The following ZDHHC3 variants were observed in gnomAD, a reference collection of about 807,000 sequenced individuals.
ZDHHC3 encodes the protein zDHHC palmitoyltransferase 3.
ZDHHC3 carries 9 observed loss-of-function variants against 30.6 expected under a neutral mutation model. The ratio of observed to expected loss-of-function variants is 0.29; its 90% CI spans 0.18 to 0.51. ZDHHC3 has a LOEUF of 0.51. Ranked by LOEUF, ZDHHC3 falls within the 20% of genes least tolerant of loss-of-function variation. ZDHHC3 has a pLI of 0.97. For synonymous variants in ZDHHC3, 136 were observed against 140.2 expected, an observed-to-expected ratio of 0.97 and a Z score of 0.21; for missense variants, 246 against 384.2, an observed-to-expected ratio of 0.64 and a Z score of 3.01.
In ZDHHC3 at chr3:44,923,936, T is replaced by C. The variant is rs762074599; in HGVS notation, c.*2753A>G. 2.4e-5 allele frequency: 24 copies of C among 985,364 alleles called. No homozygotes were observed. The highest frequency in any genetic ancestry group is 2.8e-5 in the Non-Finnish European group (23 of 829,954). The allele number at this position is 985,364 out of a possible 1,614,324, so 61.0% of individuals were successfully genotyped here. On this transcript the variant is annotated 3_prime_UTR_variant, in exon 7 of 7. Coordinates refer to ENST00000424952, the MANE Select transcript of ZDHHC3 (RefSeq NM_001135179.2). ...AGCCCATGCAAATATGCATAGATTA[T>C]AGATTTGCTTGGATCTAAGCCTTTT...
chr3:44,945,296 T>G lies in ZDHHC3; in HGVS notation c.307-4A>C, dbSNP rs750439865. 8 of 1,614,168 alleles carry G rather than the reference T, an allele frequency of 5.0e-6. No homozygotes were observed. Among genetic ancestry groups the G allele is most frequent in the Non-Finnish European group, 6.8e-6 (8 of 1,180,028 alleles). ...CATTTCCTTTGGGCACTGCCCCCTG[T>G]AGGAAAGATGAAAGGTATCAGGGTT... On this transcript the variant is annotated splice_polypyrimidine_tract_variant and splice_region_variant and intron_variant, in intron 2 of 6. Coordinates refer to ENST00000424952, the MANE Select transcript of ZDHHC3 (RefSeq NM_001135179.2).
At chr3:44,958,721 T>A (rs1280148142) in intron 2 of ZDHHC3, 2 of 1,513,216 alleles carry the variant, frequency 1.3e-6, no homozygotes, top group Non-Finnish European at 1.8e-6. Flanking sequence ...CAAGTCCACC[T>A]AGCTCCAGCA....
intron 3 of ZDHHC3, among the ~76,000 whole-genome samples, chr3:44,943,967 C>A (rs559997623): frequency 4.6e-5 from 7 of 152,056 alleles, no homozygotes; most frequent in Non-Finnish European, 1.0e-4. Flanking sequence ...GAGACCCAGT[C>A]TCAAAATAAA....
chr3:44,927,084 C>T (rs1181438806), intron 6 of ZDHHC3, among the ~76,000 whole-genome samples: 1 of 152,140 alleles, frequency 6.6e-6, no homozygotes, highest in Non-Finnish European at 1.5e-5. Flanking sequence ...CTATCAGCAG[C>T]GCAGAAACTG....
intron 2 of ZDHHC3, among the ~76,000 whole-genome samples, chr3:44,950,424 A>G (rs963178714): frequency 1.3e-5 from 2 of 152,336 alleles, no homozygotes; most frequent in Admixed American, 1.3e-4. Context: ...TCTAACCCAT[A>G]AAAGGGAATC....
chr3:44,975,708 C>T (rs926038996), intron 1 of ZDHHC3, among the ~76,000 whole-genome samples: 2 of 151,680 alleles, frequency 1.3e-5, no homozygotes, highest in South Asian at 4.2e-4. Context: ...GAAACAGCAC[C>T]CCCGGGCCAA....
chr3:44,939,767 T>C (rs557149848), intron 3 of ZDHHC3, among the ~76,000 whole-genome samples: 22 of 152,270 alleles, frequency 1.4e-4, no homozygotes, highest in Non-Finnish European at 3.2e-4. Context: ...GGAAGCTGGG[T>C]TTCCCAATGG....
Position 44,932,360 on chromosome 3 carries a change from T to G in ZDHHC3, c.610+758A>C, listed in dbSNP as rs1701569811. On this transcript the variant is annotated intron_variant, in intron 5 of 6. Transcript: ENST00000424952. Reference sequence around the variant, plus strand: ...TCAGCATGTATAGGAAGAGCAAAAGTTCTAAAGACAGTGAAATAAAAAAAA... The same window carrying G: ...TCAGCATGTATAGGAAGAGCAAAAGGTCTAAAGACAGTGAAATAAAAAAAA... 2.6e-5 allele frequency among the ~76,000 whole-genome samples: 4 copies of G among 152,156 alleles called. No individual in the cohort carries two copies. In the South Asian group the frequency reaches 8.3e-4, roughly 32 times the overall value.
At chr3:44,932,829 T>C (rs1701614069) in intron 5 of ZDHHC3, 2 of 1,420,882 alleles carry the variant, frequency 1.4e-6, no homozygotes, top group African/African-American at 2.8e-5. Flanking sequence ...GGAACCGGCC[T>C]CTGTGCTTGC....
At position 44,922,159 on chromosome 3, in the gene ZDHHC3, T is replaced by A; in HGVS notation, c.*4530A>T. 1 of 985,420 alleles carries A rather than the reference T, an allele frequency of 1.0e-6. No homozygotes were observed. Among genetic ancestry groups the A allele is most frequent in the African/African-American group, 1.7e-5 (1 of 57,344 alleles). 61.0% of individuals were successfully genotyped at this position (985,420 alleles called of 1,614,324 possible). The stretch of plus-strand genomic sequence containing the variant: ...GAATTCTTTCTCTTCTATGAGGTGA[T>A]CCTAAGCCAGATACATATTTAAAGA... On this transcript the variant is annotated 3_prime_UTR_variant, in exon 7 of 7. Transcript: ENST00000424952.
intron 2 of ZDHHC3, among the ~76,000 whole-genome samples, chr3:44,946,869 T>A (rs1249862386): frequency 6.6e-6 from 1 of 152,180 alleles, no homozygotes; most frequent in East Asian, 1.9e-4. Context: ...CAGGTTGGGA[T>A]GGGATTTTTC....
intron 2 of ZDHHC3, among the ~76,000 whole-genome samples, chr3:44,957,076 T>A (rs1305322656): frequency 6.6e-6 from 1 of 152,156 alleles, no homozygotes; most frequent in Non-Finnish European, 1.5e-5. Context: ...GCCTGGCTTG[T>A]AGCTTCATGC....
At chr3:44,954,776 C>T (rs747855195) in intron 2 of ZDHHC3, among the ~76,000 whole-genome samples, 3 of 152,058 alleles carry the variant, frequency 2.0e-5, no homozygotes, top group South Asian at 2.1e-4. Context: ...ACATCTGTCA[C>T]GTTTAAGCAT....
intron 3 of ZDHHC3, among the ~76,000 whole-genome samples, chr3:44,940,760 A>G (rs1171659242): frequency 1.3e-5 from 2 of 151,994 alleles, no homozygotes; most frequent in African/African-American, 4.8e-5. Context: ...TCACTGGCTC[A>G]TATGTATTCA....
intron 1 of ZDHHC3, among the ~76,000 whole-genome samples, chr3:44,961,187 T>C (rs1704448168): frequency 6.6e-6 from 1 of 152,160 alleles, no homozygotes; most frequent in African/African-American, 2.4e-5. Context: ...GGTCAGGAGA[T>C]TGAGACCATC....
At chr3:44,950,488 G>C (rs1299985347) in intron 2 of ZDHHC3, among the ~76,000 whole-genome samples, 1 of 152,186 alleles carries the variant, frequency 6.6e-6, no homozygotes, top group African/African-American at 2.4e-5. Context: ...ACCTTGAGTA[G>C]AGACATCATT....
At chr3:44,953,486 G>A (rs1165798102) in intron 2 of ZDHHC3, among the ~76,000 whole-genome samples, 1 of 152,118 alleles carries the variant, frequency 6.6e-6, no homozygotes, top group African/African-American at 2.4e-5. Context: ...CTAAAGAAAT[G>A]CCAATAATTT....
intron 3 of ZDHHC3, among the ~76,000 whole-genome samples, chr3:44,937,176 G>A (rs1702036130): frequency 6.6e-6 from 1 of 152,130 alleles, no homozygotes; most frequent in Non-Finnish European, 1.5e-5. Flanking sequence ...CAGGTTTGGT[G>A]GCTCACACCT....
At position 44,976,147 on chromosome 3, in the gene ZDHHC3, G is replaced by C. The variant is rs1397548585; in HGVS notation, c.-239C>G. 1.8e-5 allele frequency: 13 copies of C among 711,954 alleles called. No individual in the cohort carries two copies. In the African/African-American group the frequency reaches 2.1e-4, roughly 11 times the overall value. The allele number at this position is 711,954 out of a possible 1,614,324, so 44.1% of individuals were successfully genotyped here. A position where few individuals can be genotyped will look rare whatever the true frequency, so the allele number is the denominator to read the frequency against. The stretch of plus-strand genomic sequence containing the variant: ...CTCTCCCGGCAGTGGCGGCGGCCGC[G>C]GCTGCAGGAGCGGCCGCCGCGCAGG... On this transcript the variant is annotated 5_prime_UTR_variant, in exon 1 of 7. Transcript: ENST00000424952.
Sources: allele counts gnomAD v4.1 joint callset (sites outside exome capture counted in the v4.1 genomes callset), GRCh38; gene constraint gnomAD v4.1.1; transcripts MANE v1.5; gene names NCBI Gene and HGNC (gene_info 2026-07-23, HGNC 2026-07-21).